DISP3: variants seen among roughly 807,000 people sequenced by gnomAD.
The protein encoded by DISP3 is protein dispatched homolog 3.
In DISP3, 101 loss-of-function variants were observed where a neutral mutation model predicts 135.3. That is an observed-to-expected ratio of 0.75 (90% CI 0.64 to 0.88). The LOEUF (loss-of-function observed/expected upper bound fraction) is 0.88, where lower values mean the gene tolerates loss of function less well. DISP3 is among the 40% of genes least tolerant of loss of function. The probability of loss-of-function intolerance (pLI) is 0.00; values close to 1 mark genes in which losing one functional copy is unlikely to be tolerated. For missense variants in DISP3, 1,713 were observed against 1,878.6 expected (o/e 0.91, Z 1.63); for synonymous variants, 856 against 817.0 (o/e 1.05, Z -0.81).
At chr1:11,480,787 G>A (rs944116676) in intron 1 of DISP3, among the ~76,000 whole-genome samples, 2 of 150,836 alleles carry the variant, frequency 1.3e-5, no homozygotes, top group Non-Finnish European at 3.0e-5. Context: ...TACTACACCT[G>A]CCAGGGGACC....
intron 3 of DISP3, among the ~76,000 whole-genome samples, chr1:11,511,279 C>T (rs1040258995): frequency 6.6e-6 from 1 of 152,174 alleles, no homozygotes; most frequent in African/African-American, 2.4e-5. Context: ...AGTCCAAAGT[C>T]TCATCTGAGA....
chr1:11,522,680 C>G (rs868075819), intron 10 of DISP3, among the ~76,000 whole-genome samples: 13 of 130,432 alleles, frequency 1.0e-4, no homozygotes, highest in Admixed American at 4.6e-4. Context: ...AGGACCCAGC[C>G]AGAGCCCAGC....
chr1:11,505,374 C>T (rs990089869), intron 3 of DISP3, among the ~76,000 whole-genome samples: 1 of 152,204 alleles, frequency 6.6e-6, no homozygotes, highest in Non-Finnish European at 1.5e-5. Flanking sequence ...AGGAAAGGTA[C>T]TTGGCTGGGT....
In DISP3 at chr1:11,516,279, C is replaced by A; in HGVS notation, c.1749+118C>A. The A allele has an allele frequency of 8.1e-7, 1 of 1,237,438 alleles. No individual in the cohort carries two copies. The allele number at this position is 1,237,438 out of a possible 1,614,324, so 76.7% of individuals were successfully genotyped here. A position where few individuals can be genotyped will look rare whatever the true frequency, so the allele number is the denominator to read the frequency against. On this transcript the variant is annotated intron_variant, in intron 6 of 20. Coordinates refer to ENST00000294484, the MANE Select transcript of DISP3 (RefSeq NM_020780.2). The surrounding 1 kb of genome is among the most constrained non-coding windows in gnomAD (Gnocchi z 5.1). Reference sequence around the variant, plus strand: ...GCCATATAGCCTTCACCTCAAGGTACTTGCCCTGGCTCTAGAGTTCATTTT... The same window carrying A: ...GCCATATAGCCTTCACCTCAAGGTAATTGCCCTGGCTCTAGAGTTCATTTT...
intron 1 of DISP3, among the ~76,000 whole-genome samples, chr1:11,488,637 C>CTG (rs5772457): frequency 0.7 from 101,897 of 146,224 alleles, 36,170 homozygotes; most frequent in Admixed American, 0.78. Context: ...GGCAGATGCT[C>CTG]TGTGTGTGTG....
chr1:11,500,806 T>C (rs1329871227), intron 1 of DISP3, among the ~76,000 whole-genome samples, 184 bp from the exon 2 acceptor site: 1 of 152,222 alleles, frequency 6.6e-6, no homozygotes, highest in African/African-American at 2.4e-5. Context: ...ACAGGAATTT[T>C]CTCTGTATTT....
At chr1:11,492,254 G>T (rs916083398) in intron 1 of DISP3, among the ~76,000 whole-genome samples, 1 of 152,060 alleles carries the variant, frequency 6.6e-6, no homozygotes, top group African/African-American at 2.4e-5. Context: ...GTCCCACTGA[G>T]CCCACTAGAG....
chr1:11,494,287 TAATTATTATGATGGTC>T (rs1641269029), intron 1 of DISP3, among the ~76,000 whole-genome samples: 1 of 152,192 alleles, frequency 6.6e-6, no homozygotes. Context: ...GATGCAGAGT[TAATTATTATGATGGTC>T]TTAATGGGTG....
intron 5 of DISP3, among the ~76,000 whole-genome samples, chr1:11,515,743 G>A (rs889476660): frequency 6.6e-6 from 1 of 151,666 alleles, no homozygotes; most frequent in Non-Finnish European, 1.5e-5. Flanking sequence ...GGCCCAGGAA[G>A]TGTGGGAAGG....
chr1:11,534,231 G>T, intron 17 of DISP3, 150 bp from the exon 18 acceptor site: 1 of 897,090 alleles, frequency 1.1e-6, no homozygotes. Flanking sequence ...AGAAGCTGGT[G>T]GGGACTCATT....
chr1:11,518,340 G>A (rs1642071698), intron 7 of DISP3, among the ~76,000 whole-genome samples: 1 of 152,212 alleles, frequency 6.6e-6, no homozygotes, highest in South Asian at 2.1e-4. Context: ...TTAGACTTGG[G>A]CCTGAGATGG....
chr1:11,482,753 G>A (rs1449018891), intron 1 of DISP3, among the ~76,000 whole-genome samples: 1 of 152,170 alleles, frequency 6.6e-6, no homozygotes, highest in Non-Finnish European at 1.5e-5. Context: ...GGCTGGGACA[G>A]TGAGGCAGGG....
At chr1:11,517,735 G>C (rs1157888884) in intron 7 of DISP3, 133 bp downstream of exon 7, 2 of 1,200,822 alleles carry the variant, frequency 1.7e-6, no homozygotes, top group African/African-American at 3.1e-5. Context: ...CAGGGAAGGA[G>C]AAGATGCTTC....
chr1:11,486,417 C>T (rs1401187861), intron 1 of DISP3, among the ~76,000 whole-genome samples: 1 of 152,138 alleles, frequency 6.6e-6, no homozygotes, highest in East Asian at 1.9e-4. Context: ...GCCGGGGAAG[C>T]TGGGAAAAGG....
intron 7 of DISP3, among the ~76,000 whole-genome samples, chr1:11,517,869 G>C (rs1419507274): frequency 6.6e-6 from 1 of 152,184 alleles, no homozygotes; most frequent in South Asian, 2.1e-4. Context: ...TTCTCTTGCT[G>C]TGCCCATTTT....
rs931461329 is a variant in DISP3 at position 11,525,381 on chromosome 1, G to C, written c.2613+69G>C. On this transcript the variant is annotated intron_variant, in intron 12 of 20. Coordinates refer to ENST00000294484, the MANE Select transcript of DISP3 (RefSeq NM_020780.2). ...GGTGGGGGGCTCTCAGGGCCACACT[G>C]GTGGGCAGCCCTGGCCAATAGGGAG... The C allele has an allele frequency of 9.7e-6, 15 of 1,543,422 alleles. No individual in the cohort carries two copies. In the South Asian group the frequency reaches 1.7e-4, roughly 17 times the overall value.
At chr1:11,523,007 C>A (rs1473286109) in intron 10 of DISP3, among the ~76,000 whole-genome samples, 1 of 151,400 alleles carries the variant, frequency 6.6e-6, no homozygotes. Context: ...GCCCCTACTC[C>A]CTGTGCCTCT....
intron 1 of DISP3, among the ~76,000 whole-genome samples, chr1:11,486,233 G>A (rs115534453): frequency 1.7e-3 from 263 of 152,228 alleles, no homozygotes; most frequent in African/African-American, 6.2e-3. Flanking sequence ...GTGTGGGGAC[G>A]CCCAGGTTGA....
chr1:11,524,737 C>T (rs1342928748), intron 11 of DISP3, among the ~76,000 whole-genome samples: 1 of 128,398 alleles, frequency 7.8e-6, no homozygotes, highest in Non-Finnish European at 1.7e-5. Context: ...CTGTGCCTAC[C>T]ATCTCCCCCA....
Sources: allele counts gnomAD v4.1 joint callset (sites outside exome capture counted in the v4.1 genomes callset), GRCh38; gene constraint gnomAD v4.1.1; non-coding constraint Gnocchi (gnomAD v3.1); transcripts MANE v1.5; gene names NCBI Gene and HGNC (gene_info 2026-07-23, HGNC 2026-07-21).